VIM: variants seen among roughly 807,000 people sequenced by gnomAD.
VIM encodes the protein vimentin.
VIM carries 18 observed loss-of-function variants against 50.3 expected under a neutral mutation model. The ratio of observed to expected loss-of-function variants is 0.36; its 90% CI spans 0.25 to 0.53. The LOEUF (loss-of-function observed/expected upper bound fraction) is 0.53. Ranked by LOEUF, VIM falls within the 20% of genes least tolerant of loss-of-function variation. VIM has a pLI of 0.91. For synonymous variants in VIM, 245 were observed against 248.5 expected, an observed-to-expected ratio of 0.99 and a Z score of 0.13; for missense variants, 551 against 614.7, an observed-to-expected ratio of 0.90 and a Z score of 1.10.
rs778375034 is a variant in VIM, at chr10:17,237,241, A to G, written c.1371A>G (p.Glu457=). ...VETRDGQVIN[E]TSQHHDDLE The stretch of plus-strand genomic sequence containing the variant: ...TTTTTTTTAAACAGGTTATCAACGA[A>G]ACTTCTCAGCATCACGATGACCTTG... The change falls in exon 10 of 10, where the codon GAA becomes GAG. Residue 457 remains glutamate (E), a synonymous_variant. Coordinates refer to ENST00000544301, the MANE Select transcript of VIM (RefSeq NM_003380.5). 3.7e-6 allele frequency: 6 copies of G among 1,605,754 alleles called. No homozygotes were observed. The highest frequency in any genetic ancestry group is 1.7e-6 in the Non-Finnish European group (2 of 1,175,054).
At chr10:17,236,205 CA>C in intron 8 of VIM, 88 bp from the exon 9 acceptor site, 1 of 1,087,418 alleles carries the variant, frequency 9.2e-7, no homozygotes, top group Non-Finnish European at 1.4e-6. Context: ...CTCTCCCCCA[CA>C]AATCATAATT....
At chr10:17,229,208 G>C (rs1846733646) in intron 1 of VIM, 68 bp from the exon 2 acceptor site, 1 of 361,858 alleles carries the variant, frequency 2.8e-6, no homozygotes, top group Non-Finnish European at 5.2e-6. Flanking sequence ...TCCGCGGCTG[G>C]GATGGCAGTG....
intron 3 of VIM, among the ~76,000 whole-genome samples, chr10:17,232,972 G>C (rs1042618108): frequency 6.6e-6 from 1 of 151,704 alleles, no homozygotes; most frequent in Non-Finnish European, 1.5e-5. Flanking sequence ...TTTTGAGACA[G>C]AGTGTCACTC....
chr10:17,237,019 A>G (rs563207590), intron 9 of VIM, among the ~76,000 whole-genome samples: 15 of 152,326 alleles, frequency 9.8e-5, no homozygotes, highest in Non-Finnish European at 1.8e-4. Context: ...GTAAGTTACA[A>G]CATTCCACTG....
intron 9 of VIM, 137 bp downstream of exon 9, chr10:17,236,516 T>C (rs1846892170): frequency 1.3e-6 from 1 of 768,688 alleles, no homozygotes; most frequent in South Asian, 1.4e-5. Context: ...AAAAAAAGAA[T>C]AGGCTTCTTC....
In VIM at chr10:17,235,795, GGT is replaced by G. The variant is rs1271449886; in HGVS notation, c.1230-50_1230-49del. 3.2e-6 allele frequency: 5 copies of G among 1,547,472 alleles called. No individual in the cohort carries two copies. The South Asian group carries it at 5.6e-5, about 17-fold the overall frequency. The stretch of plus-strand genomic sequence containing the variant: ...AAAAGTGTGTTAATTTGTTCCCAGT[GGT>G]TGAAGTTATTTGCCAACAATTTTAC... On this transcript the variant is annotated intron_variant, in intron 7 of 9. Transcript: ENST00000544301.
Position 17,235,286 on chromosome 10 carries a change from A to C in VIM, c.1126A>C (p.Met376Leu). The C allele has an allele frequency of 6.2e-7, 1 of 1,614,234 alleles. No individual in the cohort carries two copies. The highest frequency in any genetic ancestry group is 1.1e-5 in the South Asian group (1 of 91,088). ...TGAGATTCAGAATATGAAGGAGGAA[A>C]TGGCTCGTCACCTTCGTGAATACCA... ...QDEIQNMKEEMARHLREYQDL... is the reference protein window; with the variant it reads ...QDEIQNMKEELARHLREYQDL... Residue 376 changes from methionine to leucine, a missense_variant, in exon 7 of 10, where the codon ATG (methionine) becomes CTG (leucine). Physicochemically the swap from Met to Leu is conservative, Grantham distance 15. Around this residue, in one of 3 missense-constraint regions of VIM, gnomAD observed 394 missense variants for 437.5 expected, o/e 0.90. Transcript: ENST00000544301.
intron 1 of VIM, 81 bp downstream of exon 1, chr10:17,228,605 C>G (rs527503797): frequency 3.3e-5 from 5 of 152,538 alleles, no homozygotes; most frequent in African/African-American, 9.6e-5. Context: ...CAACTCCCGC[C>G]GTCCGAAGCT....
intron 1 of VIM, 118 bp from the exon 2 acceptor site, chr10:17,229,158 C>T (rs1588731016): frequency 6.7e-6 from 1 of 150,070 alleles, no homozygotes; most frequent in East Asian, 2.2e-4. Context: ...CACCCGCCCA[C>T]CCTCCCCGCT....
chr10:17,235,615 C>T, intron 7 of VIM: 1 of 689,892 alleles, frequency 1.4e-6, no homozygotes, highest in South Asian at 1.8e-5. Flanking sequence ...TCTGTCAAAG[C>T]CTCCACTCCT....
rs1328451159 is a variant in VIM at position 17,234,735 on chromosome 10, C to G, written c.925C>G (p.Leu309Val). 1 of 1,614,170 alleles carries G rather than the reference C, an allele frequency of 6.2e-7. No homozygotes were observed. Among genetic ancestry groups the G allele is most frequent in the Admixed American group, 1.7e-5 (1 of 60,022 alleles). The change falls in exon 6 of 10, where the codon CTG becomes GTG. Residue 309 changes from leucine (L) to valine (V), a missense_variant. Leu to Val is a conservative substitution (Grantham distance 32). Transcript: ENST00000544301. ...SEAANRNNDALRQAKQESTEY... is the reference protein window; with the variant it reads ...SEAANRNNDAVRQAKQESTEY... ...GGCTGCCAACCGGAACAATGACGCC[C>G]TGCGCCAGGCAAAGCAGGAGTCCAC... is the stretch of plus-strand genomic sequence containing the variant.
chr10:17,230,384 G>A (rs927531012), intron 2 of VIM: 11 of 580,156 alleles, frequency 1.9e-5, no homozygotes, highest in Non-Finnish European at 2.2e-5. Flanking sequence ...GGTGGAGGGA[G>A]CGAGACAAAG....
At chr10:17,232,764 T>C (rs1188964878) in intron 3 of VIM, among the ~76,000 whole-genome samples, 1 of 152,202 alleles carries the variant, frequency 6.6e-6, no homozygotes, top group African/African-American at 2.4e-5. Context: ...TTTCAAAAGA[T>C]TTGAGTGGAG....
In VIM at chr10:17,236,273, T is replaced by G. The variant is rs758440784; in HGVS notation, c.1274-21T>G. On this transcript the variant is annotated intron_variant, in intron 8 of 9. Coordinates refer to ENST00000544301, the MANE Select transcript of VIM (RefSeq NM_003380.5). Reference sequence around the variant, plus strand: ...AGAAAAAACTCGTTTTTACTCATTTTTGGCCTGTTTGTTTATTTAGAAACT... The same window carrying G: ...AGAAAAAACTCGTTTTTACTCATTTGTGGCCTGTTTGTTTATTTAGAAACT... 6.3e-6 allele frequency: 10 copies of G among 1,580,354 alleles called. No homozygotes were observed. In the South Asian group the frequency reaches 1.0e-4, roughly 16 times the overall value.
At position 17,229,576 on chromosome 10, in the gene VIM, C is replaced by A. The variant is rs1588731496; in HGVS notation, c.154C>A (p.Leu52Ile). 3.7e-6 allele frequency: 6 copies of A among 1,608,748 alleles called. No homozygotes were observed. The Middle Eastern group carries it at 1.1e-3, about 286-fold the overall frequency. Residue 52 changes from leucine to isoleucine, a missense_variant, in exon 2 of 10, where the codon CTC becomes ATC. Transcript: ENST00000544301. ...GCTGCGCCCCAGCACCAGCCGCAGC[C>A]TCTACGCCTCGTCCCCGGGCGGCGT... ...SALRPSTSRS[L>I]YASSPGGVYA...
At chr10:17,232,630 T>A (rs1778883225) in intron 3 of VIM, among the ~76,000 whole-genome samples, 1 of 152,244 alleles carries the variant, frequency 6.6e-6, no homozygotes, top group Non-Finnish European at 1.5e-5. Context: ...TTACATTTCT[T>A]TTCCATTTTT....
chr10:17,234,732 G>A lies in VIM; in HGVS notation c.922G>A (p.Ala308Thr), dbSNP rs11545546. The A allele has an allele frequency of 3.1e-6, 5 of 1,613,884 alleles. No individual in the cohort carries two copies. Among genetic ancestry groups the A allele is most frequent in the Non-Finnish European group, 4.2e-6 (5 of 1,180,026 alleles). ...TGAGGCTGCCAACCGGAACAATGAC[G>A]CCCTGCGCCAGGCAAAGCAGGAGTC... is the stretch of plus-strand genomic sequence containing the variant. ...LSEAANRNNDALRQAKQESTE... is the reference protein window; with the variant it reads ...LSEAANRNNDTLRQAKQESTE... The change falls in exon 6 of 10, where the codon GCC becomes ACC. Residue 308 changes from alanine to threonine, a missense_variant. Physicochemically the swap from Ala to Thr is moderately conservative, Grantham distance 58. Transcript: ENST00000544301.
chr10:17,233,127 TG>T (rs1483793425), intron 3 of VIM: 1 of 214,704 alleles, frequency 4.7e-6, no homozygotes. Flanking sequence ...TTTGTATTTT[TG>T]GTAGAGACGG....
intron 5 of VIM, 102 bp from the exon 6 acceptor site, chr10:17,234,591 C>T (rs1404890696): frequency 6.4e-7 from 1 of 1,554,754 alleles, no homozygotes; most frequent in Non-Finnish European, 8.8e-7. Flanking sequence ...GAAATTTAAA[C>T]CTATACTGGA....
Sources: gnomAD v4.1 joint callset for allele counts (sites outside exome capture counted in the v4.1 genomes callset) on GRCh38, gnomAD v4.1.1 for gene constraint, gnomAD v4.1.1 regional missense constraint, MANE v1.5 for transcripts, NCBI Gene and HGNC (gene_info 2026-07-23, HGNC 2026-07-21) for gene names.